ATG7: variants seen among roughly 807,000 people sequenced by gnomAD.
The protein encoded by ATG7 is autophagy related 7.
In ATG7, 70 loss-of-function variants were observed where a neutral mutation model predicts 82.4. That is an observed-to-expected ratio of 0.85 (90% CI 0.70 to 1.04). ATG7 has a LOEUF of 1.04. ATG7 is among the 50% of genes least tolerant of loss of function. ATG7 has a pLI of 0.00. For missense variants in ATG7, 792 were observed against 864.3 expected (o/e 0.92, Z 1.05); for synonymous variants, 287 against 313.0 (o/e 0.92, Z 0.88).
intron 20 of ATG7, among the ~76,000 whole-genome samples, chr3:11,475,557 T>C (rs2088061786): frequency 6.6e-6 from 1 of 152,094 alleles, no homozygotes; most frequent in Non-Finnish European, 1.5e-5. Flanking sequence ...GGAAAAGGGC[T>C]GCGGGGGAGG....
At chr3:11,416,840 CA>C (rs1253781764) in intron 19 of ATG7, among the ~76,000 whole-genome samples, 1 of 152,096 alleles carries the variant, frequency 6.6e-6, no homozygotes, top group African/African-American at 2.4e-5. Context: ...TTCAGTGATA[CA>C]GATTTCTGTC....
intron 19 of ATG7, among the ~76,000 whole-genome samples, chr3:11,408,530 A>C (rs2080574926): frequency 6.6e-6 from 1 of 152,184 alleles, no homozygotes; most frequent in Admixed American, 6.5e-5. Context: ...TATGCTGTTG[A>C]TAAAGACATA....
intron 20 of ATG7, among the ~76,000 whole-genome samples, chr3:11,497,090 AT>A (rs1173556948): frequency 6.6e-6 from 1 of 151,770 alleles, no homozygotes; most frequent in Non-Finnish European, 1.5e-5. Flanking sequence ...AACTCAAGTG[AT>A]CCGCTTGCCT....
intron 20 of ATG7, among the ~76,000 whole-genome samples, chr3:11,532,532 G>C (rs2092712579): frequency 6.6e-6 from 1 of 152,134 alleles, no homozygotes; most frequent in Non-Finnish European, 1.5e-5. Context: ...AGACCAGCCT[G>C]GGCAACATGG....
intron 20 of ATG7, among the ~76,000 whole-genome samples, chr3:11,442,862 A>G (rs1012620976): frequency 1.7e-4 from 25 of 151,284 alleles, no homozygotes; most frequent in African/African-American, 5.8e-4. Flanking sequence ...TCGAGGCTGC[A>G]TTGAGCTAAG....
At chr3:11,562,055 G>A (rs539436846), downstream of ATG7, among the ~76,000 whole-genome samples, 2 of 151,888 alleles carry the variant, frequency 1.3e-5, no homozygotes, top group Non-Finnish European at 2.9e-5. Flanking sequence ...CCACCACCAC[G>A]CCTGGCTAAT....
At chr3:11,515,398 G>A (rs757108747) in intron 20 of ATG7, among the ~76,000 whole-genome samples, 3 of 151,842 alleles carry the variant, frequency 2.0e-5, no homozygotes, top group African/African-American at 4.8e-5. Context: ...CCACCTCCCC[G>A]GTTCAAGCGA....
At chr3:11,571,283 G>GA in the ATG7 span, among the ~76,000 whole-genome samples, 5 of 151,978 alleles carry the variant, frequency 3.3e-5, no homozygotes, top group South Asian at 2.1e-4. Context: ...CTTAATAATT[G>GA]AAAAAAAGCC....
chr3:11,278,571 G>A (rs533947299), intron 1 of ATG7, among the ~76,000 whole-genome samples: 8 of 152,204 alleles, frequency 5.3e-5, no homozygotes, highest in African/African-American at 1.2e-4. Flanking sequence ...TGTGAGGTGC[G>A]AAGACTGGTG....
At chr3:11,558,835 C>A (rs528761416), downstream of ATG7, 22 of 1,609,120 alleles carry the variant, frequency 1.4e-5, no homozygotes, top group African/African-American at 2.8e-4. Context: ...CAGCTGCAGG[C>A]AAGCAGGAAG....
intron 17 of ATG7, 74 bp from the exon 18 acceptor site, chr3:11,364,585 G>A: frequency 1.3e-6 from 2 of 1,518,590 alleles, no homozygotes; most frequent in South Asian, 2.3e-5. Context: ...ATCTTATGTA[G>A]ATTTCTGCTA....
intron 19 of ATG7, among the ~76,000 whole-genome samples, chr3:11,423,217 G>C (rs185461718): frequency 1.3e-5 from 2 of 152,200 alleles, no homozygotes; most frequent in Admixed American, 1.3e-4. Flanking sequence ...TTGGTGAATC[G>C]GTCAGAACAC....
At chr3:11,520,389 C>T (rs1339000517) in intron 20 of ATG7, among the ~76,000 whole-genome samples, 1 of 152,184 alleles carries the variant, frequency 6.6e-6, no homozygotes, top group African/African-American at 2.4e-5. Context: ...CATCTACTTC[C>T]CTCCTATTTT....
chr3:11,343,464 TTA>T (rs1442529580), intron 13 of ATG7, among the ~76,000 whole-genome samples: 1 of 152,212 alleles, frequency 6.6e-6, no homozygotes. Flanking sequence ...TTTTATTGAT[TTA>T]GAGTTCTTTT....
intron 20 of ATG7, among the ~76,000 whole-genome samples, chr3:11,447,470 GAAAAAAA>G (rs764275667): frequency 7.4e-6 from 1 of 135,512 alleles, no homozygotes; most frequent in African/African-American, 2.7e-5. Flanking sequence ...CCGTCTCAGG[GAAAAAAA>G]AAAAAAAAGT....
intron 5 of ATG7, among the ~76,000 whole-genome samples, chr3:11,303,995 G>A (rs557557558): frequency 2.6e-5 from 4 of 151,866 alleles, no homozygotes; most frequent in Non-Finnish European, 4.4e-5. Flanking sequence ...GGAGGCTGAG[G>A]CAGGAGAAAG....
At chr3:11,566,967 T>C in the ATG7 span, among the ~76,000 whole-genome samples, 4 of 152,012 alleles carry the variant, frequency 2.6e-5, no homozygotes, top group Non-Finnish European at 4.4e-5. Flanking sequence ...GTGGGCAGAA[T>C]CATGGAGAGC....
chr3:11,341,199 T>G lies in ATG7; in HGVS notation c.980+464T>G, dbSNP rs182960992. On this transcript the variant is annotated intron_variant, in intron 12 of 20. Transcript: ENST00000693202. Reference sequence around the variant, plus strand: ...GCCTCAGCCTCCTGAGTAGCTGGGATTACAGGCACGCGCCACCATGCCCTG... The same window carrying G: ...GCCTCAGCCTCCTGAGTAGCTGGGAGTACAGGCACGCGCCACCATGCCCTG... Among the ~76,000 whole-genome samples, 57 of 151,858 alleles carry G rather than the reference T, an allele frequency of 3.8e-4. No individual in the cohort carries two copies. The East Asian group carries it at 8.8e-3, about 23-fold the overall frequency.
chr3:11,498,386 C>T (rs1314401889), intron 20 of ATG7, among the ~76,000 whole-genome samples: 1 of 152,170 alleles, frequency 6.6e-6, no homozygotes, highest in Non-Finnish European at 1.5e-5. Context: ...AGCGGGCAGG[C>T]AGCTACTCTG....
Sources: gnomAD v4.1 joint callset for allele counts (sites outside exome capture counted in the v4.1 genomes callset) on GRCh38, gnomAD v4.1.1 for gene constraint, MANE v1.5 for transcripts, NCBI Gene and HGNC (gene_info 2026-07-23, HGNC 2026-07-21) for gene names.